ACTR3C: variants seen among roughly 807,000 people sequenced by gnomAD.
ACTR3C encodes the protein actin related protein 3C, also known as actin-related protein 3C.
ACTR3C carries 18 observed loss-of-function variants against 26.3 expected under a neutral mutation model. The ratio of observed to expected loss-of-function variants is 0.68; its 90% CI spans 0.47 to 1.01. The LOEUF is 1.01. Among genes scored for constraint, ACTR3C ranks in the 50% least tolerant of loss-of-function variants. The pLI is 0.00. For synonymous variants in ACTR3C, 55 were observed against 94.5 expected, an observed-to-expected ratio of 0.58 and a Z score of 2.42; for missense variants, 184 against 250.7, an observed-to-expected ratio of 0.73 and a Z score of 1.80.
the ACTR3C span, among the ~76,000 whole-genome samples, chr7:149,914,415 AC>A: frequency 1.3e-5 from 2 of 151,478 alleles, no homozygotes; most frequent in Admixed American, 1.3e-4. Context: ...ACATGGTAAA[AC>A]CCCATCTTTA....
At chr7:150,116,959 C>T in the ACTR3C span, among the ~76,000 whole-genome samples, 40 of 152,098 alleles carry the variant, frequency 2.6e-4, no homozygotes, top group African/African-American at 9.4e-4. Context: ...GGGGCATCAC[C>T]TCACTCAGGA....
At chr7:149,939,433 G>A in the ACTR3C span, among the ~76,000 whole-genome samples, 1 of 152,282 alleles carries the variant, frequency 6.6e-6, no homozygotes, top group East Asian at 1.9e-4. Flanking sequence ...GTCAATATGA[G>A]CCAATAAAAG....
In ACTR3C at chr7:150,295,310, T is replaced by A. The variant is rs539972840; in HGVS notation, c.-14A>T. ...TGATTCGAACATAATTTCTGCAAGATACTCTCTGTTTTCTGGTGTATTGAG... is the reference window on the plus strand; with the variant it reads ...TGATTCGAACATAATTTCTGCAAGAAACTCTCTGTTTTCTGGTGTATTGAG... On this transcript the variant is annotated 5_prime_UTR_variant, in exon 2 of 8. Transcript: ENST00000683684. 4.3e-6 allele frequency: 7 copies of A among 1,614,050 alleles called. No individual in the cohort carries two copies. The East Asian group carries it at 6.7e-5, about 15-fold the overall frequency.
the ACTR3C span, among the ~76,000 whole-genome samples, chr7:150,038,075 G>A: frequency 7.8e-5 from 11 of 141,370 alleles, 1 homozygote; most frequent in African/African-American, 2.1e-4. Context: ...TCCCCACCTC[G>A]CGGGGGGTGC....
At chr7:150,288,811 T>C (rs952997099) in intron 4 of ACTR3C, among the ~76,000 whole-genome samples, 1 of 147,022 alleles carries the variant, frequency 6.8e-6, no homozygotes, top group Non-Finnish European at 1.5e-5. Context: ...GGGCAGGTCA[T>C]ACCCAACTGC....
chr7:150,110,690 G>A, the ACTR3C span, among the ~76,000 whole-genome samples: 4 of 150,670 alleles, frequency 2.7e-5, no homozygotes, highest in East Asian at 5.9e-4. Flanking sequence ...GATCAGTGGT[G>A]GGGCTGGCAG....
the ACTR3C span, among the ~76,000 whole-genome samples, chr7:150,079,501 G>A: frequency 7.2e-5 from 11 of 152,156 alleles, no homozygotes; most frequent in African/African-American, 2.7e-4. Context: ...GTGAGCATTG[G>A]CACCGCTGAT....
At chr7:150,163,755 C>T in the ACTR3C span, among the ~76,000 whole-genome samples, 3 of 151,996 alleles carry the variant, frequency 2.0e-5, no homozygotes, top group Non-Finnish European at 4.4e-5. Context: ...GGAGCATCCC[C>T]GTTCAGGCAG....
the ACTR3C span, among the ~76,000 whole-genome samples, chr7:150,185,631 A>G: frequency 6.6e-6 from 1 of 151,494 alleles, no homozygotes; most frequent in African/African-American, 2.4e-5. Flanking sequence ...CATCCATCTC[A>G]TCAATATAAA....
At chr7:149,891,386 T>C in the ACTR3C span, 1 of 1,164,590 alleles carries the variant, frequency 8.6e-7, no homozygotes, top group Non-Finnish European at 1.2e-6. Context: ...AGAAACTGTA[T>C]TATTAAGAAT....
intron 6 of ACTR3C, among the ~76,000 whole-genome samples, chr7:150,278,966 T>C (rs2129611726): frequency 6.6e-6 from 1 of 152,356 alleles, no homozygotes; most frequent in Admixed American, 6.5e-5. Flanking sequence ...TCTGATTTTC[T>C]CTCTTCAAAT....
At chr7:149,884,817 C>T in the ACTR3C span, among the ~76,000 whole-genome samples, 2 of 152,182 alleles carry the variant, frequency 1.3e-5, no homozygotes, top group Non-Finnish European at 2.9e-5. Context: ...GTATGGTCTA[C>T]CTGTAACAGA....
At chr7:150,154,211 C>T in the ACTR3C span, among the ~76,000 whole-genome samples, 1 of 151,934 alleles carries the variant, frequency 6.6e-6, no homozygotes. Context: ...TACCCTAAAA[C>T]TTAAAGTATA....
the ACTR3C span, among the ~76,000 whole-genome samples, chr7:150,133,007 C>A: frequency 0.024 from 3,626 of 152,158 alleles, 113 homozygotes; most frequent in African/African-American, 0.083. Context: ...TCTTTAAATT[C>A]ATTATTCCTC....
At chr7:150,287,107 T>G (rs1835842448) in intron 4 of ACTR3C, among the ~76,000 whole-genome samples, 1 of 151,848 alleles carries the variant, frequency 6.6e-6, no homozygotes, top group African/African-American at 2.4e-5. Flanking sequence ...ACTGACACCA[T>G]CTCTTTGCCT....
chr7:150,242,516 C>G (rs563472052), downstream of ACTR3C, among the ~76,000 whole-genome samples: 4 of 151,546 alleles, frequency 2.6e-5, no homozygotes, highest in South Asian at 4.2e-4. Context: ...TATGTGCATT[C>G]TATTGTATGT....
the ACTR3C span, among the ~76,000 whole-genome samples, chr7:150,082,397 A>C: frequency 6.6e-6 from 1 of 152,180 alleles, no homozygotes; most frequent in African/African-American, 2.4e-5. Flanking sequence ...AGAATGTGCC[A>C]GGCACTGTGT....
the ACTR3C span, among the ~76,000 whole-genome samples, chr7:150,035,656 C>T: frequency 1.0e-3 from 143 of 136,712 alleles, 30 homozygotes; most frequent in Non-Finnish European, 2.2e-3. Flanking sequence ...CTAACACTCG[C>T]AGTCCTCCAG....
At chr7:150,016,388 C>T in the ACTR3C span, among the ~76,000 whole-genome samples, 5 of 152,152 alleles carry the variant, frequency 3.3e-5, no homozygotes, top group East Asian at 5.8e-4. Context: ...GAAGGTAATA[C>T]ACATCTCATG....
Sources: gnomAD v4.1 joint callset for allele counts (sites outside exome capture counted in the v4.1 genomes callset) on GRCh38, gnomAD v4.1.1 for gene constraint, MANE v1.5 for transcripts, NCBI Gene and HGNC (gene_info 2026-07-23, HGNC 2026-07-21) for gene names.